GIPC3: variants seen among roughly 807,000 people sequenced by gnomAD.
GIPC3 encodes GIPC PDZ domain containing family member 3, also known as PDZ domain-containing protein GIPC3.
Under a neutral mutation model 27.3 loss-of-function variants are expected in GIPC3, and 16 were observed. That is an observed-to-expected ratio of 0.59 (90% confidence interval 0.40 to 0.89). GIPC3 has a LOEUF of 0.89. Among genes scored for constraint, GIPC3 ranks in the 40% least tolerant of loss-of-function variants. The probability of loss-of-function intolerance (pLI) is 0.00; values close to 1 mark genes in which losing one functional copy is unlikely to be tolerated. For synonymous variants in GIPC3, 194 were observed against 184.6 expected, an observed-to-expected ratio of 1.05 and a Z score of -0.41; for missense variants, 440 against 442.1, an observed-to-expected ratio of 1.00 and a Z score of 0.04.
chr19:3,586,656 C>T lies in GIPC3; in HGVS notation c.387C>T (p.Asn129=), dbSNP rs994895173. 2.8e-6 allele frequency: 3 copies of T among 1,056,660 alleles called. No homozygotes were observed. The highest frequency in any genetic ancestry group is 3.7e-5 in the African/African-American group (2 of 54,406). The allele number at this position is 1,056,660 out of a possible 1,614,324, so 65.5% of individuals were successfully genotyped here. The change falls in exon 2 of 6, where the codon AAC becomes AAT. Residue 129 remains asparagine, a synonymous_variant. Coordinates refer to ENST00000644452, the MANE Select transcript of GIPC3 (RefSeq NM_133261.3). ...CTCTGGGGCTGACCATCACGGACAA[C>T]GGGGCTGGCTACGCCTTCATCAAGG... ...EDALGLTITD[N]GAGYAFIKRI...
chr19:3,593,130 C>T lies in GIPC3; in HGVS notation c.*2940C>T, dbSNP rs895693229. The T allele has an allele frequency of 7.3e-6, 9 of 1,232,200 alleles. No homozygotes were observed. Among genetic ancestry groups the T allele is most frequent in the South Asian group, 4.1e-5 (1 of 24,332 alleles). 76.3% of individuals were successfully genotyped at this position (1,232,200 alleles called of 1,614,324 possible). The stretch of plus-strand genomic sequence containing the variant: ...CGTCTCTCCCAAGCCCCGGGTGGGA[C>T]CCCAGAAGTCCACCCCACCCACCAT... On this transcript the variant is annotated 3_prime_UTR_variant, in exon 6 of 6. Coordinates refer to ENST00000644452, the MANE Select transcript of GIPC3 (RefSeq NM_133261.3).
intron 3 of GIPC3, among the ~76,000 whole-genome samples, chr19:3,588,898 C>T (rs1015727170): frequency 5.3e-5 from 8 of 150,466 alleles, no homozygotes; most frequent in South Asian, 4.2e-4. Context: ...AAGCCGAGAT[C>T]GTGCCATTGC....
Position 3,589,925 on chromosome 19 carries a change from G to A in GIPC3, c.787+13G>A, listed in dbSNP as rs1471190692. 6.2e-7 allele frequency: 1 copy of A among 1,613,644 alleles called. No individual in the cohort carries two copies. The highest frequency in any genetic ancestry group is 8.5e-7 in the Non-Finnish European group (1 of 1,180,020). ...GACCCCGAGCTGGGTAAGGGGCCAG[G>A]GTAAGCCAGGGGGCCCTGGGGGGAG... On this transcript the variant is annotated intron_variant, in intron 5 of 5. Transcript: ENST00000644452.
At chr19:3,586,419 G>A in intron 1 of GIPC3, 76 bp from the exon 2 acceptor site, 2 of 1,348,382 alleles carry the variant, frequency 1.5e-6, no homozygotes, top group Non-Finnish European at 2.1e-6. Flanking sequence ...CTGGGGGCAG[G>A]GGCCTGCGCA....
intron 3 of GIPC3, 33 bp downstream of exon 3, chr19:3,587,027 G>A (rs1191052765): frequency 2.5e-6 from 4 of 1,591,718 alleles, no homozygotes; most frequent in Middle Eastern, 1.7e-4. Flanking sequence ...AGCTCTTCCC[G>A]AAGTGCGTTC....
rs536060024 is a variant in GIPC3 at position 3,589,755 on chromosome 19, G to A, written c.706-76G>A. Reference sequence around the variant, plus strand: ...GGGTCCAGTCTACTCTTCCCTTAGGGGTGGGGGTCGGGAGGGGGCTGGGCT... The same window carrying A: ...GGGTCCAGTCTACTCTTCCCTTAGGAGTGGGGGTCGGGAGGGGGCTGGGCT... On this transcript the variant is annotated intron_variant, in intron 4 of 5. Transcript: ENST00000644452. 5.7e-6 allele frequency: 8 copies of A among 1,413,000 alleles called. No homozygotes were observed. The Admixed American group carries it at 1.4e-4, about 24-fold the overall frequency. 87.5% of individuals were successfully genotyped at this position (1,413,000 alleles called of 1,614,324 possible).
intron 3 of GIPC3, among the ~76,000 whole-genome samples, chr19:3,587,657 C>A (rs1338482631): frequency 6.7e-6 from 1 of 148,700 alleles, no homozygotes; most frequent in Non-Finnish European, 1.5e-5. Flanking sequence ...AGTTTTCTTT[C>A]TTTTCTTTTT....
chr19:3,590,314 C>T lies in GIPC3; in HGVS notation c.*124C>T. On this transcript the variant is annotated 3_prime_UTR_variant, in exon 6 of 6. Transcript: ENST00000644452. ...TCTAGAACCCAATCCAATTTGGAGC[C>T]CCAGCCCAACTCCAGAACCCAACCC... The T allele has an allele frequency of 3.4e-6, 5 of 1,458,918 alleles. No homozygotes were observed. The South Asian group carries it at 7.0e-5, about 20-fold the overall frequency. 90.4% of individuals were successfully genotyped at this position (1,458,918 alleles called of 1,614,324 possible).
Position 3,586,919 on chromosome 19 carries a change from G to A in GIPC3, c.517G>A (p.Val173Met), listed in dbSNP as rs1384977837. 2 of 1,613,554 alleles carry A rather than the reference G, an allele frequency of 1.2e-6. No individual in the cohort carries two copies. The highest frequency in any genetic ancestry group is 1.3e-5 in the African/African-American group (1 of 75,056). Reference protein sequence around the residue: ...HSIVGCRHYEVAKMLRELPKS... With the variant: ...HSIVGCRHYEMAKMLRELPKS... ...CATTGTGGGCTGCCGCCACTACGAG[G>A]TGGCCAAGATGCTCCGGGAGCTGCC... Residue 173 changes from valine to methionine, a missense_variant, in exon 3 of 6, where the codon GTG (valine) becomes ATG (methionine). Transcript: ENST00000644452.
rs939779429 is a variant in GIPC3, at chr19:3,593,264, C to T, written c.*3074C>T. On this transcript the variant is annotated 3_prime_UTR_variant, in exon 6 of 6. Coordinates refer to ENST00000644452, the MANE Select transcript of GIPC3 (RefSeq NM_133261.3). Reference sequence around the variant, plus strand: ...GCCCCACTCTGGGGGAGCCAGGAGCCCGCCCTTACCGCGGGGGGCCGTAGC... The same window carrying T: ...GCCCCACTCTGGGGGAGCCAGGAGCTCGCCCTTACCGCGGGGGGCCGTAGC... The T allele has an allele frequency of 1.4e-4, 169 of 1,232,450 alleles. No individual in the cohort carries two copies. The highest frequency in any genetic ancestry group is 1.5e-4 in the Non-Finnish European group (153 of 988,336). The allele number at this position is 1,232,450 out of a possible 1,614,324, so 76.3% of individuals were successfully genotyped here.
At position 3,585,682 on chromosome 19, in the gene GIPC3, G is replaced by C. The variant is rs1268583345; in HGVS notation, c.85G>C (p.Ala29Pro). Residue 29 changes from alanine (A) to proline (P), a missense_variant, in exon 1 of 6, where the codon GCC becomes CCC. Coordinates refer to ENST00000644452, the MANE Select transcript of GIPC3 (RefSeq NM_133261.3). ...APPPAPSEPP[A>P]APRARPRLVF... ...CCCGCCCGCGCCCTCGGAGCCCCCG[G>C]CCGCGCCCCGCGCCCGCCCGCGCCT... The C allele has an allele frequency of 3.6e-6, 5 of 1,383,984 alleles. No individual in the cohort carries two copies. The highest frequency in any genetic ancestry group is 1.5e-5 in the African/African-American group (1 of 66,676). The allele number at this position is 1,383,984 out of a possible 1,614,324, so 85.7% of individuals were successfully genotyped here. A position where few individuals can be genotyped will look rare whatever the true frequency, so the allele number is the denominator to read the frequency against.
rs727503065 is a variant in GIPC3, at chr19:3,590,126, T to C, written c.875T>C (p.Phe292Ser). 8 of 1,611,184 alleles carry C rather than the reference T, an allele frequency of 5.0e-6. No individual in the cohort carries two copies. In the African/African-American group the frequency reaches 9.3e-5, roughly 19 times the overall value. ...GACTCCGTCTTGGGCGAGTTCGCCTTCCCCGACGAGTTTGTGGTGGAAGTG... is the reference window on the plus strand; with the variant it reads ...GACTCCGTCTTGGGCGAGTTCGCCTCCCCCGACGAGTTTGTGGTGGAAGTG... ...CLDSVLGEFA[F>S]PDEFVVEVWA... Residue 292 changes from phenylalanine (F) to serine (S), a missense_variant, in exon 6 of 6, where the codon TTC (phenylalanine) becomes TCC (serine). Physicochemically the swap from Phe to Ser is radical, Grantham distance 155. Transcript: ENST00000644452.
At chr19:3,589,222 C>T (rs938716481) in intron 3 of GIPC3, among the ~76,000 whole-genome samples, 1 of 152,160 alleles carries the variant, frequency 6.6e-6, no homozygotes, top group South Asian at 2.1e-4. Flanking sequence ...TAGTTCTAAA[C>T]CTGCTCCATT....
chr19:3,586,292 CTGGAGGTCCCGGGGTA>C lies in GIPC3; in HGVS notation c.226-197_226-182del, dbSNP rs2032362747. On this transcript the variant is annotated intron_variant, in intron 1 of 5. Transcript: ENST00000644452. ...CAGATTAAACCTGGAGGTCTGGGGG[CTGGAGGTCCCGGGGTA>C]TGGAGAGGGGTCTCCACCTGCTGGA... Among the ~76,000 whole-genome samples the C allele has an allele frequency of 2.0e-5, 3 of 152,228 alleles. 1 individual carries two copies. The South Asian group carries it at 6.2e-4, about 32-fold the overall frequency.
intron 3 of GIPC3, 120 bp from the exon 4 acceptor site, chr19:3,589,323 G>T (rs1169291626): frequency 1.6e-5 from 12 of 758,588 alleles, no homozygotes; most frequent in Non-Finnish European, 2.9e-5. Flanking sequence ...CCGTACAGAT[G>T]TAAGGAGGAC....
At position 3,591,498 on chromosome 19, in the gene GIPC3, G is replaced by A. The variant is rs760669627; in HGVS notation, c.*1308G>A. ...ACACCTGGACACTCGGTCTAGCTCC[G>A]GAACCCCAGTTAATTTTGGAACCCA... On this transcript the variant is annotated 3_prime_UTR_variant, in exon 6 of 6. Transcript: ENST00000644452. 4.1e-5 allele frequency: 50 copies of A among 1,232,462 alleles called. No homozygotes were observed. Among genetic ancestry groups the A allele is most frequent in the Admixed American group, 8.4e-5 (2 of 23,698 alleles). 76.3% of individuals were successfully genotyped at this position (1,232,462 alleles called of 1,614,324 possible).
Position 3,586,687 on chromosome 19 carries a change from G to T in GIPC3, c.411+7G>T. The T allele has an allele frequency of 6.2e-7, 1 of 1,611,266 alleles. No individual in the cohort carries two copies. Among genetic ancestry groups the T allele is most frequent in the Non-Finnish European group, 8.5e-7 (1 of 1,178,596 alleles). ...TGGCTACGCCTTCATCAAGGTGCCC[G>T]GGAGGGGGTGGGCGGGTGGCTTCCT... On this transcript the variant is annotated splice_region_variant and intron_variant, in intron 2 of 5. Transcript: ENST00000644452.
chr19:3,589,534 G>T lies in GIPC3; in HGVS notation c.684G>T (p.Gly228=), dbSNP rs750168561. ...AGACCCTGCGGCTTCGTTCTGGGGG[G>T]GCTGCCACAGTGGAGGAAGCGGTGA... ...GRETLRLRSG[G]AATVEEAPSE... is the part of the protein sequence containing the mutation. The change falls in exon 4 of 6, where the codon GGG becomes GGT. Residue 228 remains glycine (G), a synonymous_variant. Transcript: ENST00000644452. 46 of 1,613,854 alleles carry T rather than the reference G, an allele frequency of 2.9e-5. No homozygotes were observed. The highest frequency in any genetic ancestry group is 4.4e-5 in the South Asian group (4 of 91,082).
At position 3,590,355 on chromosome 19, in the gene GIPC3, C is replaced by T; in HGVS notation, c.*165C>T. ...AACCCAACCCTTCTCTAGAATCCAG[C>T]CCAGATCTGAGGCCAAGCTATGTGC... On this transcript the variant is annotated 3_prime_UTR_variant, in exon 6 of 6. Transcript: ENST00000644452. 6.9e-7 allele frequency: 1 copy of T among 1,441,088 alleles called. No homozygotes were observed. The highest frequency in any genetic ancestry group is 1.4e-5 in the African/African-American group (1 of 70,008). The allele number at this position is 1,441,088 out of a possible 1,614,324, so 89.3% of individuals were successfully genotyped here.
Sources: allele counts gnomAD v4.1 joint callset (sites outside exome capture counted in the v4.1 genomes callset), GRCh38; gene constraint gnomAD v4.1.1; transcripts MANE v1.5; gene names NCBI Gene and HGNC (gene_info 2026-07-23, HGNC 2026-07-21).